GALNT13: variants seen among roughly 807,000 people sequenced by gnomAD.
The protein encoded by GALNT13 is polypeptide N-acetylgalactosaminyltransferase 13, also known as UDP-GalNAc:polypeptide N-acetylgalactosaminyltransferase 13.
GALNT13 carries 28 observed loss-of-function variants against 64.2 expected under a neutral mutation model. That is an observed-to-expected ratio of 0.44 (90% CI 0.32 to 0.60). GALNT13 has a LOEUF of 0.60. Ranked by LOEUF, GALNT13 falls within the 20% of genes least tolerant of loss-of-function variation. The probability of loss-of-function intolerance (pLI) is 0.05; values close to 1 mark genes in which losing one functional copy is unlikely to be tolerated. For missense variants in GALNT13, 577 were observed against 669.8 expected (o/e 0.86, Z 1.53); for synonymous variants, 214 against 224.6 (o/e 0.95, Z 0.42).
rs1325715704 is a variant in GALNT13, at chr2:153,884,843, GTA to G, written c.-177+12546_-177+12547del. Among the ~76,000 whole-genome samples the G allele has an allele frequency of 1.1e-3, 92 of 85,096 alleles. 1 individual carries two copies. In the East Asian group the frequency reaches 0.024, roughly 22 times the overall value. The allele number at this position is 85,096 out of a possible 152,430, so 55.8% of individuals were successfully genotyped here. A position where few individuals can be genotyped will look rare whatever the true frequency, so the allele number is the denominator to read the frequency against. On this transcript the variant is annotated intron_variant, in intron 1 of 12. Transcript: ENST00000392825. ...TGTATATATATGTGTGTGTGTGTGT[GTA>G]TATATGTATATACACACACACACAC...
chr2:153,404,047 C>T, the GALNT13 span, among the ~76,000 whole-genome samples: 2 of 152,308 alleles, frequency 1.3e-5, no homozygotes, highest in South Asian at 4.1e-4. Flanking sequence ...CTGCAAATCT[C>T]CCCTTTCATT....
At chr2:153,352,715 A>G in the GALNT13 span, among the ~76,000 whole-genome samples, 927 of 152,136 alleles carry the variant, frequency 6.1e-3, 12 homozygotes, top group African/African-American at 0.021. Context: ...AAAATGCTAT[A>G]TTCTCTTCAT....
At chr2:153,333,800 T>C in the GALNT13 span, among the ~76,000 whole-genome samples, 1 of 152,232 alleles carries the variant, frequency 6.6e-6, no homozygotes, top group Non-Finnish European at 1.5e-5. Context: ...TTTATTATTG[T>C]ATGTAGATGC....
chr2:153,549,212 C>T, the GALNT13 span, among the ~76,000 whole-genome samples: 3 of 152,184 alleles, frequency 2.0e-5, no homozygotes, highest in African/African-American at 7.2e-5. Context: ...CGTGAACATA[C>T]TAAAAACCAC....
At chr2:153,762,395 C>T in the GALNT13 span, 17 of 152,246 alleles carry the variant, frequency 1.1e-4, no homozygotes, top group Non-Finnish European at 2.9e-5. Context: ...TTGAAGATGT[C>T]CATAGGGGAC....
At chr2:153,992,358 C>T (rs1372926932) in intron 3 of GALNT13, among the ~76,000 whole-genome samples, 2 of 152,076 alleles carry the variant, frequency 1.3e-5, no homozygotes, top group Admixed American at 1.3e-4. Context: ...AGTTCAGATA[C>T]AAACTGTGCT....
chr2:153,552,214 G>C, the GALNT13 span, among the ~76,000 whole-genome samples: 1 of 152,216 alleles, frequency 6.6e-6, no homozygotes, highest in Non-Finnish European at 1.5e-5. Flanking sequence ...ATCGAGGAAA[G>C]ACTGGGGTTA....
chr2:153,099,319 T>A, the GALNT13 span, among the ~76,000 whole-genome samples: 1 of 152,082 alleles, frequency 6.6e-6, no homozygotes, highest in African/African-American at 2.4e-5. Flanking sequence ...ATTTTGATGG[T>A]AAAGGAATGG....
In GALNT13 at chr2:154,310,759, A is replaced by G. The variant is rs1432307228; in HGVS notation, c.1156+9170A>G. Among the ~76,000 whole-genome samples, 5 of 152,046 alleles carry G rather than the reference A, an allele frequency of 3.3e-5. No homozygotes were observed. In the East Asian group the frequency reaches 9.7e-4, roughly 29 times the overall value. Reference sequence around the variant, plus strand: ...GAGGCAGACTACCTGGGTTAATTCAAATCCTGACTCTACTTAATCTCTCTT... The same window carrying G: ...GAGGCAGACTACCTGGGTTAATTCAGATCCTGACTCTACTTAATCTCTCTT... On this transcript the variant is annotated intron_variant, in intron 9 of 12. Transcript: ENST00000392825.
the GALNT13 span, among the ~76,000 whole-genome samples, chr2:153,677,281 A>ACATG: frequency 8.6e-5 from 6 of 69,746 alleles, no homozygotes; most frequent in Admixed American, 3.8e-4. Context: ...TTCACAATAG[A>ACATG]CATACACACA....
At chr2:153,326,761 T>C in the GALNT13 span, among the ~76,000 whole-genome samples, 1 of 152,202 alleles carries the variant, frequency 6.6e-6, no homozygotes, top group Non-Finnish European at 1.5e-5. Context: ...TTTGGCTGGA[T>C]ATGAAAATCT....
chr2:153,187,145 A>C, the GALNT13 span, among the ~76,000 whole-genome samples: 1 of 152,240 alleles, frequency 6.6e-6, no homozygotes, highest in Non-Finnish European at 1.5e-5. Context: ...GAATTCTTTT[A>C]CATAATTTTC....
intron 4 of GALNT13, among the ~76,000 whole-genome samples, chr2:154,142,830 G>T (rs944398172): frequency 6.6e-6 from 1 of 151,658 alleles, no homozygotes; most frequent in African/African-American, 2.4e-5. Context: ...ATATGTGTGT[G>T]TGTGTGTGTA....
intron 3 of GALNT13, among the ~76,000 whole-genome samples, chr2:154,028,044 G>A (rs967460827): frequency 1.2e-4 from 18 of 152,078 alleles, no homozygotes; most frequent in African/African-American, 4.1e-4. Flanking sequence ...CACAGTTAGA[G>A]CTGCGACTGT....
chr2:154,445,841 A>G (rs1458413252), intron 12 of GALNT13: 2 of 1,288,476 alleles, frequency 1.6e-6, no homozygotes, highest in Non-Finnish European at 2.0e-6. Flanking sequence ...CGGAGCTTCA[A>G]GATGTAGGTG....
chr2:153,191,733 T>C, the GALNT13 span, among the ~76,000 whole-genome samples: 1 of 151,420 alleles, frequency 6.6e-6, no homozygotes, highest in Non-Finnish European at 1.5e-5. Context: ...ACCGATTCAA[T>C]GTTGTTACTT....
the GALNT13 span, among the ~76,000 whole-genome samples, chr2:153,734,165 C>T: frequency 1.3e-5 from 2 of 152,130 alleles, no homozygotes; most frequent in Non-Finnish European, 2.9e-5. Flanking sequence ...CTCAAAGGTG[C>T]TTGTTTTTCA....
chr2:153,125,610 T>C, the GALNT13 span, among the ~76,000 whole-genome samples: 3 of 152,170 alleles, frequency 2.0e-5, no homozygotes, highest in South Asian at 6.2e-4. Context: ...GGGAAGAAAA[T>C]TGAATCAATT....
rs79595624 is a variant in GALNT13, at chr2:154,273,995, T to C, written c.975+14857T>C. Among the ~76,000 whole-genome samples, 492 of 152,286 alleles carry C rather than the reference T, an allele frequency of 3.2e-3. 3 individuals are homozygous for C. The highest frequency in any genetic ancestry group is 0.012 in the South Asian group (56 of 4,826). On this transcript the variant is annotated intron_variant, in intron 8 of 12. Coordinates refer to ENST00000392825, the MANE Select transcript of GALNT13 (RefSeq NM_052917.4). ...ATAAGAAGGTTTTTTCTCATTATTT[T>C]GTTTCTTATCTTGAATGCATTTTGT... is the stretch of plus-strand genomic sequence containing the variant.
Sources: gnomAD v4.1 joint callset for allele counts (sites outside exome capture counted in the v4.1 genomes callset) on GRCh38, gnomAD v4.1.1 for gene constraint, MANE v1.5 for transcripts, NCBI Gene and HGNC (gene_info 2026-07-23, HGNC 2026-07-21) for gene names.